Variants in EEFSEC observed in about 807,000 individuals in gnomAD.
The protein encoded by EEFSEC is eukaryotic elongation factor, selenocysteine-tRNA specific.
In EEFSEC, 43 loss-of-function variants were observed where a neutral mutation model predicts 42.1. The ratio of observed to expected loss-of-function variants is 1.02; its 90% CI spans 0.80 to 1.32. EEFSEC has a LOEUF of 1.32. Ranked by LOEUF, EEFSEC falls within the 40% of genes most tolerant of loss-of-function variation. The pLI is 0.00. For missense variants in EEFSEC, 745 were observed against 803.6 expected, an observed-to-expected ratio of 0.93 and a Z score of 0.88; for synonymous variants, 354 against 339.1, an observed-to-expected ratio of 1.04 and a Z score of -0.48.
intron 1 of EEFSEC, among the ~76,000 whole-genome samples, chr3:128,194,976 C>T (rs1472716986): frequency 1.3e-5 from 2 of 151,988 alleles, no homozygotes; most frequent in Non-Finnish European, 1.5e-5. Flanking sequence ...GAATAGTTAC[C>T]CTCCTCCCTC....
chr3:128,301,543 G>T (rs1446288689), intron 4 of EEFSEC, among the ~76,000 whole-genome samples: 2 of 152,170 alleles, frequency 1.3e-5, no homozygotes, highest in Admixed American at 1.3e-4. Flanking sequence ...AGGCCATCAG[G>T]ATGTCAAGGG....
At chr3:128,206,062 G>A (rs2065693823) in intron 1 of EEFSEC, among the ~76,000 whole-genome samples, 1 of 152,154 alleles carries the variant, frequency 6.6e-6, no homozygotes. Flanking sequence ...CTAAGATGTA[G>A]GGGATAAATG....
intron 1 of EEFSEC, among the ~76,000 whole-genome samples, chr3:128,237,852 CT>C (rs1366211536): frequency 6.6e-6 from 1 of 152,220 alleles, no homozygotes; most frequent in East Asian, 1.9e-4. Flanking sequence ...CTTTGGCTCC[CT>C]CCTGCAGGAC....
At chr3:128,243,467 G>A (rs2066094992) in intron 1 of EEFSEC, among the ~76,000 whole-genome samples, 1 of 152,266 alleles carries the variant, frequency 6.6e-6, no homozygotes, top group South Asian at 2.1e-4. Flanking sequence ...GACTGTTGAA[G>A]AAGAGGAACA....
At chr3:128,357,717 G>T (rs1386299200) in intron 5 of EEFSEC, among the ~76,000 whole-genome samples, 2 of 152,118 alleles carry the variant, frequency 1.3e-5, no homozygotes, top group Non-Finnish European at 2.9e-5. Context: ...GCAGGCTCAG[G>T]AGCGGCCCGG....
chr3:128,401,369 C>G (rs1034775515), intron 6 of EEFSEC, among the ~76,000 whole-genome samples: 7 of 152,216 alleles, frequency 4.6e-5, no homozygotes, highest in Admixed American at 3.9e-4. Flanking sequence ...TCCCTGAGCC[C>G]GTGTGCTAGG....
At chr3:128,374,097 C>G (rs1227132119) in intron 6 of EEFSEC, among the ~76,000 whole-genome samples, 1 of 152,172 alleles carries the variant, frequency 6.6e-6, no homozygotes, top group Non-Finnish European at 1.5e-5. Flanking sequence ...TGATGTCTAT[C>G]ATTAGCTCTG....
chr3:128,314,040 A>C (rs1479569393), intron 4 of EEFSEC, among the ~76,000 whole-genome samples: 2 of 152,184 alleles, frequency 1.3e-5, no homozygotes, highest in South Asian at 2.1e-4. Context: ...ATGGTTCTAC[A>C]TCTGTACATG....
intron 2 of EEFSEC, among the ~76,000 whole-genome samples, chr3:128,249,642 A>T (rs1490202469): frequency 6.6e-6 from 1 of 152,032 alleles, no homozygotes; most frequent in African/African-American, 2.4e-5. Context: ...CATCTCTATG[A>T]ATTTGCCTGT....
chr3:128,366,887 A>G (rs76807624), intron 6 of EEFSEC, among the ~76,000 whole-genome samples: 11 of 152,118 alleles, frequency 7.2e-5, no homozygotes, highest in Non-Finnish European at 1.0e-4. Context: ...GTACTAGTCA[A>G]CTCGGGCTAT....
chr3:128,282,231 G>A (rs559494259), intron 4 of EEFSEC, among the ~76,000 whole-genome samples: 1 of 152,326 alleles, frequency 6.6e-6, no homozygotes, highest in South Asian at 2.1e-4. Context: ...AGCCACTGGT[G>A]GTGGGAAGTG....
intron 1 of EEFSEC, among the ~76,000 whole-genome samples, chr3:128,242,120 C>A (rs1028058371): frequency 2.5e-4 from 38 of 152,066 alleles, no homozygotes; most frequent in African/African-American, 9.2e-4. Flanking sequence ...AGTTCGAGAC[C>A]AGCCTGGGCA....
intron 6 of EEFSEC, among the ~76,000 whole-genome samples, chr3:128,397,095 C>T (rs1157652350): frequency 6.6e-6 from 1 of 152,244 alleles, no homozygotes; most frequent in Non-Finnish European, 1.5e-5. Flanking sequence ...GGCTCAGCCC[C>T]ACTGCCCTGG....
In EEFSEC at chr3:128,275,441, T is replaced by G. The variant is rs116231865; in HGVS notation, c.786+10660T>G. On this transcript the variant is annotated intron_variant, in intron 4 of 6. Coordinates refer to ENST00000254730, the MANE Select transcript of EEFSEC (RefSeq NM_021937.5). ...GCTTGCACACCCATGAAGCCAGCCC[T>G]GCCCACAACCTTTCCAGATACTGTT... Among the ~76,000 whole-genome samples the G allele has an allele frequency of 4.4e-3, 676 of 152,362 alleles. 4 individuals are homozygous for G. The highest frequency in any genetic ancestry group is 0.014 in the African/African-American group (592 of 41,576).
the EEFSEC span, among the ~76,000 whole-genome samples, chr3:128,415,897 G>T: frequency 7.2e-5 from 11 of 152,220 alleles, no homozygotes; most frequent in Admixed American, 7.2e-4. Flanking sequence ...TTGGTCCTCT[G>T]CCCAGTCCCC....
chr3:128,392,161 G>A (rs546322015), intron 6 of EEFSEC, among the ~76,000 whole-genome samples: 1 of 152,332 alleles, frequency 6.6e-6, no homozygotes, highest in South Asian at 2.1e-4. Flanking sequence ...AGCCTCTGTT[G>A]TCTCTGAGCC....
intron 6 of EEFSEC, among the ~76,000 whole-genome samples, chr3:128,394,725 G>C (rs1456825921): frequency 6.6e-6 from 1 of 152,094 alleles, no homozygotes; most frequent in Non-Finnish European, 1.5e-5. Context: ...GCCTTGGGGG[G>C]CTGTCTGAGG....
chr3:128,392,340 AGCTGGTTGTT>A, intron 6 of EEFSEC, among the ~76,000 whole-genome samples: 1 of 152,324 alleles, frequency 6.6e-6, no homozygotes, highest in East Asian at 1.9e-4. Flanking sequence ...ATGCCATGTC[AGCTGGTTGTT>A]CCTCACCGGG....
the EEFSEC span, among the ~76,000 whole-genome samples, chr3:128,424,177 G>A: frequency 6.6e-6 from 1 of 152,152 alleles, no homozygotes; most frequent in Non-Finnish European, 1.5e-5. Context: ...CCAGCCTCCT[G>A]GCTTCTGCTG....
Sources: gnomAD v4.1 joint callset for allele counts (sites outside exome capture counted in the v4.1 genomes callset) on GRCh38, gnomAD v4.1.1 for gene constraint, MANE v1.5 for transcripts, NCBI Gene and HGNC (gene_info 2026-07-23, HGNC 2026-07-21) for gene names.